RASSF2: variants seen among roughly 807,000 people sequenced by gnomAD.
The protein encoded by RASSF2 is Ras association domain family member 2.
A neutral mutation model predicts 46.3 loss-of-function variants in RASSF2; 34 were observed. The observed-to-expected ratio is 0.73, with a 90% CI of 0.56 to 0.98. The LOEUF is 0.98. Among genes scored for constraint, RASSF2 ranks in the 50% least tolerant of loss-of-function variants. The probability of loss-of-function intolerance (pLI) is 0.00; values close to 1 mark genes in which losing one functional copy is unlikely to be tolerated. For missense variants in RASSF2, 364 were observed against 431.2 expected (o/e 0.84, Z 1.38); for synonymous variants, 158 against 162.5 (o/e 0.97, Z 0.21).
At chr20:4,804,879 T>C (rs1228354707) in intron 2 of RASSF2, among the ~76,000 whole-genome samples, 2 of 151,650 alleles carry the variant, frequency 1.3e-5, no homozygotes, top group Non-Finnish European at 2.9e-5. Flanking sequence ...AGTGCTATGG[T>C]AGCAAACAGG....
chr20:4,793,127 GGGCAGGGGC>G, intron 5 of RASSF2: 1 of 162,630 alleles, frequency 6.1e-6, no homozygotes, highest in South Asian at 1.5e-4. Flanking sequence ...GCCACAACAA[GGGCAGGGGC>G]AGCTTTGGAA....
intron 2 of RASSF2, among the ~76,000 whole-genome samples, chr20:4,809,278 C>G (rs1181729942): frequency 6.6e-6 from 1 of 152,174 alleles, no homozygotes; most frequent in Non-Finnish European, 1.5e-5. Context: ...GGAAGGTCCT[C>G]TGGCCATTTA....
chr20:4,807,706 G>A (rs1927453073), intron 2 of RASSF2, among the ~76,000 whole-genome samples: 1 of 152,132 alleles, frequency 6.6e-6, no homozygotes, highest in Admixed American at 6.5e-5. Context: ...CCGACCTATG[G>A]GGTCATGTTG....
intron 5 of RASSF2, among the ~76,000 whole-genome samples, 172 bp from the exon 6 acceptor site, chr20:4,792,799 C>G (rs76810038): frequency 1.1e-3 from 170 of 152,258 alleles, no homozygotes; most frequent in African/African-American, 3.9e-3. Context: ...CGGAGCATCC[C>G]GTGAAAGGCT....
At chr20:4,817,479 CA>C (rs1462089220) in intron 2 of RASSF2, among the ~76,000 whole-genome samples, 1 of 152,132 alleles carries the variant, frequency 6.6e-6, no homozygotes, top group Non-Finnish European at 1.5e-5. Context: ...AACCTCCTTC[CA>C]AAAACAGCCA....
In RASSF2 at chr20:4,795,815, C is replaced by A. The variant is rs1926293223; in HGVS notation, c.287G>T (p.Gly96Val). The A allele has an allele frequency of 7.5e-6, 12 of 1,609,822 alleles. No individual in the cohort carries two copies. Among genetic ancestry groups the A allele is most frequent in the Non-Finnish European group, 1.0e-5 (12 of 1,177,538 alleles). ...CCCTGCCCCGTCTCTCCTCACTCAC[C>A]CCTGAGCCCCCAGGTTACAGCCAGA... ...WHSGCNLGAQ[G>V]TTLKPLTVPK... Residue 96 changes from glycine to valine, a missense_variant and splice_region_variant, in exon 5 of 12, where the codon GGA becomes GTA. Gly to Val is a moderately radical substitution (Grantham distance 109, BLOSUM62 -3). Coordinates refer to ENST00000379400, the MANE Select transcript of RASSF2 (RefSeq NM_014737.3). The surrounding 1 kb of genome is among the most constrained non-coding windows in gnomAD (Gnocchi z 4.0).
intron 2 of RASSF2, among the ~76,000 whole-genome samples, chr20:4,818,631 C>T (rs1487086727): frequency 6.6e-6 from 1 of 152,142 alleles, no homozygotes; most frequent in Admixed American, 6.5e-5. Context: ...GCAGGGCTTC[C>T]CCCAAAGCCC....
chr20:4,805,015 G>A (rs1327169359), intron 2 of RASSF2, among the ~76,000 whole-genome samples: 2 of 152,062 alleles, frequency 1.3e-5, no homozygotes, highest in African/African-American at 2.4e-5. Context: ...CAGGCAACTC[G>A]GAGCTGTGCG....
At chr20:4,803,785 G>A (rs992354045) in intron 2 of RASSF2, among the ~76,000 whole-genome samples, 1 of 149,042 alleles carries the variant, frequency 6.7e-6, no homozygotes, top group African/African-American at 2.5e-5. Context: ...AAGGCCAGGC[G>A]CAGTGGCTCA....
chr20:4,823,078 C>A (rs1928824786), intron 1 of RASSF2, among the ~76,000 whole-genome samples: 1 of 152,204 alleles, frequency 6.6e-6, no homozygotes, highest in South Asian at 2.1e-4. Flanking sequence ...CGCGCCTACA[C>A]GGCCCCTGGC....
intron 10 of RASSF2, among the ~76,000 whole-genome samples, chr20:4,787,072 A>G (rs1455353277): frequency 1.3e-5 from 2 of 151,740 alleles, no homozygotes; most frequent in African/African-American, 4.8e-5. Context: ...AAAAAAAAAA[A>G]GTTAAAAAAT....
chr20:4,808,486 C>CTTT (rs11431404), intron 2 of RASSF2, among the ~76,000 whole-genome samples: 15,173 of 131,420 alleles, frequency 0.12, 1,150 homozygotes, highest in Non-Finnish European at 0.16. Flanking sequence ...TTACACAAAT[C>CTTT]TTTTTTTTTT....
chr20:4,800,275 C>T (rs777852561), intron 3 of RASSF2, among the ~76,000 whole-genome samples: 15 of 152,188 alleles, frequency 9.9e-5, no homozygotes, highest in Non-Finnish European at 1.9e-4. Context: ...ATTAGCCAGA[C>T]CCAGAGCAGC....
rs1925971017 is a variant in RASSF2 at position 4,792,472 on chromosome 20, C to A, written c.376+67G>T. ...ATTCTCAAAAATAAATAACAGTTTA[C>A]AACATCTATCACAGCGGTCTTCACA... On this transcript the variant is annotated intron_variant, in intron 6 of 11. Coordinates refer to ENST00000379400, the MANE Select transcript of RASSF2 (RefSeq NM_014737.3). 46 of 1,598,380 alleles carry A rather than the reference C, an allele frequency of 2.9e-5. 2 individuals carry two copies. In the South Asian group the frequency reaches 5.1e-4, roughly 18 times the overall value.
intron 2 of RASSF2, among the ~76,000 whole-genome samples, chr20:4,801,328 C>A (rs1022834670): frequency 6.6e-6 from 1 of 152,188 alleles, no homozygotes; most frequent in Non-Finnish European, 1.5e-5. Context: ...AGCCACAGAG[C>A]ACACTGACAG....
chr20:4,803,843 G>A (rs1927107991), intron 2 of RASSF2, among the ~76,000 whole-genome samples: 1 of 151,954 alleles, frequency 6.6e-6, no homozygotes, highest in Admixed American at 6.6e-5. Context: ...AGGATCGCTT[G>A]AGCCCAGGAG....
In RASSF2 at chr20:4,780,450, GGAA is replaced by G. The variant is rs1924696987; in HGVS notation, c.*3820_*3822del. ...TAGGGCAGAGCTTTCTATTACATCT[GGAA>G]GAAGGGGGCGCCACATTCATTCTTA... On this transcript the variant is annotated 3_prime_UTR_variant, in exon 12 of 12. Coordinates refer to ENST00000379400, the MANE Select transcript of RASSF2 (RefSeq NM_014737.3). 6.6e-6 allele frequency: 1 copy of G among 152,192 alleles called. No homozygotes were observed. Among genetic ancestry groups the G allele is most frequent in the Admixed American group, 6.5e-5 (1 of 15,280 alleles). The allele number at this position is 152,192 out of a possible 1,614,324, so 9.4% of individuals were successfully genotyped here. A position where few individuals can be genotyped will look rare whatever the true frequency, so the allele number is the denominator to read the frequency against.
chr20:4,786,805 C>G (rs1036754982), intron 10 of RASSF2, among the ~76,000 whole-genome samples: 2 of 152,084 alleles, frequency 1.3e-5, no homozygotes, highest in Admixed American at 6.5e-5. Context: ...AAAACGGTGC[C>G]AGGCATCGTG....
At chr20:4,793,682 T>C (rs1601095925) in intron 5 of RASSF2, among the ~76,000 whole-genome samples, 2 of 152,084 alleles carry the variant, frequency 1.3e-5, no homozygotes, top group African/African-American at 4.8e-5. Flanking sequence ...GGTTTCACCA[T>C]GTTGCCCAGG....
Sources: allele counts gnomAD v4.1 joint callset (sites outside exome capture counted in the v4.1 genomes callset), GRCh38; gene constraint gnomAD v4.1.1; non-coding constraint Gnocchi (gnomAD v3.1); transcripts MANE v1.5; gene names NCBI Gene and HGNC (gene_info 2026-07-23, HGNC 2026-07-21).